The following AIG1 variants were observed in gnomAD, a reference collection of about 807,000 sequenced individuals.
AIG1 encodes androgen-induced gene 1 protein.
Under a neutral mutation model 31.4 loss-of-function variants are expected in AIG1, and 23 were observed. That is an observed-to-expected ratio of 0.73 (90% CI 0.53 to 1.04). AIG1 has a LOEUF of 1.04. Among genes scored for constraint, AIG1 ranks in the 50% least tolerant of loss-of-function variants. The pLI, the probability that AIG1 is intolerant of heterozygous loss-of-function variation, is 0.00. For missense variants in AIG1, 274 were observed against 295.0 expected, an observed-to-expected ratio of 0.93 and a Z score of 0.52; for synonymous variants, 100 against 110.5, an observed-to-expected ratio of 0.90 and a Z score of 0.60.
chr6:143,170,553 A>G (rs551883760), intron 3 of AIG1, among the ~76,000 whole-genome samples: 49 of 149,708 alleles, frequency 3.3e-4, no homozygotes, highest in African/African-American at 1.2e-3. Flanking sequence ...ACCTAATGGT[A>G]TGTCAGTTTT....
chr6:143,181,895 G>C (rs1373626696), intron 3 of AIG1, among the ~76,000 whole-genome samples: 1 of 151,930 alleles, frequency 6.6e-6, no homozygotes, highest in East Asian at 1.9e-4. Context: ...GGAGAAAGAG[G>C]GTTAAAAATG....
rs533239999 is a variant in AIG1 at position 143,307,938 on chromosome 6, C to G, written c.515+23713C>G. Among the ~76,000 whole-genome samples, 9 of 152,354 alleles carry G rather than the reference C, an allele frequency of 5.9e-5. No homozygotes were observed. The East Asian group carries it at 1.7e-3, about 29-fold the overall frequency. On this transcript the variant is annotated intron_variant, in intron 4 of 5. Transcript: ENST00000357847. ...GGCGCCCCTCCCCCAGCCTCGCTGC[C>G]GCCTTGCAGTTTGATCTCAGACTGC... is the stretch of plus-strand genomic sequence containing the variant.
intron 3 of AIG1, among the ~76,000 whole-genome samples, chr6:143,182,132 C>G (rs777058310): frequency 1.1e-4 from 16 of 152,194 alleles, no homozygotes; most frequent in South Asian, 8.3e-4. Flanking sequence ...CTTAAGGGAT[C>G]CTCCTACCCC....
At chr6:143,239,497 G>A (rs1254077249) in intron 3 of AIG1, among the ~76,000 whole-genome samples, 2 of 152,138 alleles carry the variant, frequency 1.3e-5, no homozygotes, top group Admixed American at 6.6e-5. Flanking sequence ...GAGCTGAGGC[G>A]CCACCACTGG....
intron 3 of AIG1, among the ~76,000 whole-genome samples, chr6:143,239,723 G>A (rs960191002): frequency 1.3e-5 from 2 of 152,184 alleles, no homozygotes; most frequent in African/African-American, 2.4e-5. Flanking sequence ...CCCATGGCCC[G>A]TGTTCAAAAT....
At position 143,328,166 on chromosome 6, in the gene AIG1, G is replaced by A. The variant is rs573881088; in HGVS notation, c.516-5116G>A. ...AGGAGGAAAACCAAGAGAAATTGATGTCAAAGAAACCAGTATCTTTTGGTC... is the reference window on the plus strand; with the variant it reads ...AGGAGGAAAACCAAGAGAAATTGATATCAAAGAAACCAGTATCTTTTGGTC... On this transcript the variant is annotated intron_variant, in intron 4 of 5. Coordinates refer to ENST00000357847, the MANE Select transcript of AIG1 (RefSeq NM_016108.4). The surrounding 1 kb of genome is among the most constrained non-coding windows in gnomAD (Gnocchi z 4.0). Among the ~76,000 whole-genome samples, 25 of 152,296 alleles carry A rather than the reference G, an allele frequency of 1.6e-4. No individual in the cohort carries two copies. Among genetic ancestry groups the A allele is most frequent in the Non-Finnish European group, 1.8e-4 (12 of 68,014 alleles).
In AIG1 at chr6:143,258,677, A is replaced by G. The variant is rs1437280957; in HGVS notation, c.400-25433A>G. Reference sequence around the variant, plus strand: ...GAGGCAAAGAGACATTTTGAAGAGTATAAATGAAAGCTTAACTTGAAAATA... The same window carrying G: ...GAGGCAAAGAGACATTTTGAAGAGTGTAAATGAAAGCTTAACTTGAAAATA... On this transcript the variant is annotated intron_variant, in intron 3 of 5. Transcript: ENST00000357847. This position sits in a 1 kb window ranked among gnomAD's most constrained non-coding sequence, Gnocchi z 4.7. Among the ~76,000 whole-genome samples, 1 of 152,238 alleles carries G rather than the reference A, an allele frequency of 6.6e-6. No homozygotes were observed.
chr6:143,232,783 A>C (rs1159046132), intron 3 of AIG1, among the ~76,000 whole-genome samples: 2 of 151,686 alleles, frequency 1.3e-5, no homozygotes, highest in Non-Finnish European at 2.9e-5. Context: ...TCTTCCTTTT[A>C]TTTTGCCTTT....
chr6:143,178,544 C>G (rs1177859024), intron 3 of AIG1, among the ~76,000 whole-genome samples: 2 of 152,210 alleles, frequency 1.3e-5, no homozygotes, highest in Non-Finnish European at 2.9e-5. Context: ...CTTCACCTTA[C>G]CTTTTTCCTG....
At chr6:143,206,159 T>C (rs1359708986) in intron 3 of AIG1, among the ~76,000 whole-genome samples, 1 of 152,226 alleles carries the variant, frequency 6.6e-6, no homozygotes, top group Admixed American at 6.6e-5. Flanking sequence ...ATGTGTGACA[T>C]GGCATAAACT....
chr6:143,220,645 T>C (rs1041069483), intron 3 of AIG1, among the ~76,000 whole-genome samples: 13 of 152,188 alleles, frequency 8.5e-5, no homozygotes, highest in Non-Finnish European at 1.5e-4. Flanking sequence ...TTTTCAACTG[T>C]CATCAATGTT....
At position 143,331,990 on chromosome 6, in the gene AIG1, G is replaced by T. The variant is rs1777121763; in HGVS notation, c.516-1292G>T. ...AGGGTCAAGTGATGCTTGTGCCTCAGCCTCCCGAGTAGCTGGGATTACAGG... is the reference window on the plus strand; with the variant it reads ...AGGGTCAAGTGATGCTTGTGCCTCATCCTCCCGAGTAGCTGGGATTACAGG... On this transcript the variant is annotated intron_variant, in intron 4 of 5. Coordinates refer to ENST00000357847, the MANE Select transcript of AIG1 (RefSeq NM_016108.4). The surrounding 1 kb of genome is among the most constrained non-coding windows in gnomAD (Gnocchi z 4.1). Among the ~76,000 whole-genome samples, 1 of 151,604 alleles carries T rather than the reference G, an allele frequency of 6.6e-6. No homozygotes were observed. Among genetic ancestry groups the T allele is most frequent in the African/African-American group, 2.4e-5 (1 of 41,240 alleles).
rs936375837 is a variant in AIG1, at chr6:143,326,019, C to G, written c.516-7263C>G. On this transcript the variant is annotated intron_variant, in intron 4 of 5. Coordinates refer to ENST00000357847, the MANE Select transcript of AIG1 (RefSeq NM_016108.4). This position sits in a 1 kb window ranked among gnomAD's most constrained non-coding sequence, Gnocchi z 4.5. ...GCTCTCATGACAATCTCCAGCACGC[C>G]ACACTCATGACTCAACAGTTTGATA... 3.9e-5 allele frequency among the ~76,000 whole-genome samples: 6 copies of G among 152,154 alleles called. No individual in the cohort carries two copies. The highest frequency in any genetic ancestry group is 7.4e-5 in the Non-Finnish European group (5 of 68,024).
At chr6:143,287,665 A>T (rs1261182371) in intron 4 of AIG1, among the ~76,000 whole-genome samples, 1 of 149,854 alleles carries the variant, frequency 6.7e-6, no homozygotes, top group Non-Finnish European at 1.5e-5. Context: ...AGAGAGGAGG[A>T]CAGAATGTAC....
intron 1 of AIG1, among the ~76,000 whole-genome samples, chr6:143,086,947 C>A (rs535603675): frequency 3.3e-5 from 5 of 152,228 alleles, no homozygotes; most frequent in African/African-American, 1.2e-4. Flanking sequence ...TCGGCTTCCC[C>A]CAGAAAAATT....
rs576305297 is a variant in AIG1, at chr6:143,273,375, C to A, written c.400-10735C>A. Among the ~76,000 whole-genome samples, 8 of 152,294 alleles carry A rather than the reference C, an allele frequency of 5.3e-5. No homozygotes were observed. The East Asian group carries it at 1.5e-3, about 29-fold the overall frequency. On this transcript the variant is annotated intron_variant, in intron 3 of 5. Coordinates refer to ENST00000357847, the MANE Select transcript of AIG1 (RefSeq NM_016108.4). ...TTCTATAGTTGCTCCCCAAACTTGT[C>A]ACTTTTCCGTGCTCTTTAAGAAAAT...
intron 1 of AIG1, among the ~76,000 whole-genome samples, chr6:143,083,545 G>A (rs145525975): frequency 3.9e-5 from 6 of 152,286 alleles, no homozygotes; most frequent in Admixed American, 6.5e-5. Context: ...GTACAGCTGG[G>A]TATAGAGGGA....
intron 3 of AIG1, among the ~76,000 whole-genome samples, chr6:143,230,508 C>A (rs1436457510): frequency 1.3e-5 from 2 of 149,620 alleles, no homozygotes; most frequent in Non-Finnish European, 3.0e-5. Context: ...TTCTTTTTTA[C>A]ACTCTTTTTT....
intron 3 of AIG1, among the ~76,000 whole-genome samples, chr6:143,282,764 A>G (rs1027969450): frequency 7.9e-5 from 12 of 152,048 alleles, no homozygotes; most frequent in African/African-American, 2.7e-4. Flanking sequence ...ATGTCTTTCT[A>G]TTTTTTTCTA....
Sources: allele counts gnomAD v4.1 joint callset (sites outside exome capture counted in the v4.1 genomes callset), GRCh38; gene constraint gnomAD v4.1.1; non-coding constraint Gnocchi (gnomAD v3.1); transcripts MANE v1.5; gene names NCBI Gene and HGNC (gene_info 2026-07-23, HGNC 2026-07-21).